Variants in PBRM1 observed in about 807,000 individuals in gnomAD.
The protein encoded by PBRM1 is polybromo 1.
In PBRM1, 27 loss-of-function variants were observed where a neutral mutation model predicts 194.5. That is an observed-to-expected ratio of 0.14 (90% CI 0.10 to 0.19). PBRM1 has a LOEUF of 0.19. PBRM1 is among the 10% of genes least tolerant of loss of function. PBRM1 has a pLI of 1.00. For missense variants in PBRM1, 1,466 were observed against 2,077.2 expected (o/e 0.71, Z 5.72); for synonymous variants, 655 against 693.2 (o/e 0.94, Z 0.87).
chr3:52,578,042 C>T (rs779659931), intron 21 of PBRM1, among the ~76,000 whole-genome samples: 26 of 152,180 alleles, frequency 1.7e-4, no homozygotes, highest in Non-Finnish European at 2.1e-4. Context: ...CATGTTTCTC[C>T]TCAGGTGTTT....
intron 20 of PBRM1, among the ~76,000 whole-genome samples, chr3:52,582,736 T>C (rs2091556040): frequency 6.6e-6 from 1 of 152,028 alleles, no homozygotes; most frequent in South Asian, 2.1e-4. Context: ...GCCTCTTACG[T>C]AGAATCTTTC....
At chr3:52,646,686 G>C (rs1486354426) in intron 7 of PBRM1, among the ~76,000 whole-genome samples, 1 of 151,934 alleles carries the variant, frequency 6.6e-6, no homozygotes, top group Non-Finnish European at 1.5e-5. Flanking sequence ...TATAGTGCTG[G>C]GATAATATCT....
chr3:52,561,326 T>A (rs1054275178), intron 25 of PBRM1, among the ~76,000 whole-genome samples: 1 of 152,170 alleles, frequency 6.6e-6, no homozygotes, highest in Non-Finnish European at 1.5e-5. Flanking sequence ...CCAAGCACTT[T>A]AGCAAAGACT....
exon 8 of PBRM1, chr3:52,644,747 C>T (rs1490033079): frequency 2.6e-6 from 4 of 1,557,638 alleles, no homozygotes; most frequent in Non-Finnish European, 3.5e-6. Flanking sequence ...TGTTCAATTT[C>T]AGCCTTTTTC....
intron 17 of PBRM1, among the ~76,000 whole-genome samples, chr3:52,602,643 TA>T (rs1341047317): frequency 6.6e-6 from 1 of 152,228 alleles, no homozygotes; most frequent in African/African-American, 2.4e-5. Context: ...CAACCACTTT[TA>T]GCTGGCAAAG....
intron 22 of PBRM1, among the ~76,000 whole-genome samples, chr3:52,569,351 C>G (rs1473392876): frequency 6.6e-6 from 1 of 151,988 alleles, no homozygotes; most frequent in Non-Finnish European, 1.5e-5. Context: ...GCTGGGACTA[C>G]AGGCGCCCGC....
At chr3:52,546,135 T>G (rs2079651538), downstream of PBRM1, 1 of 232,254 alleles carries the variant, frequency 4.3e-6, no homozygotes, top group Non-Finnish European at 8.5e-6. Context: ...AGTGAAAAAT[T>G]TTTTTAGAGG....
intron 22 of PBRM1, among the ~76,000 whole-genome samples, chr3:52,573,604 C>T (rs2088268351): frequency 6.6e-6 from 1 of 152,208 alleles, no homozygotes; most frequent in African/African-American, 2.4e-5. Flanking sequence ...CAGAATGTAA[C>T]ACATTCTAAC....
chr3:52,674,412 CGG>C (rs2097034157), intron 2 of PBRM1, among the ~76,000 whole-genome samples: 1 of 144,842 alleles, frequency 6.9e-6, no homozygotes, highest in African/African-American at 2.6e-5. Context: ...ACCTGGGAAA[CGG>C]AGGTTGTGGT....
At chr3:52,603,653 C>T (rs751492205) in exon 17 of PBRM1, 1 of 1,613,518 alleles carries the variant, frequency 6.2e-7, no homozygotes, top group Non-Finnish European at 8.5e-7. Flanking sequence ...AGAATCTCTC[C>T]ATTTTTGCAG....
At chr3:52,619,934 T>C (rs940420516) in intron 13 of PBRM1, among the ~76,000 whole-genome samples, 1 of 152,242 alleles carries the variant, frequency 6.6e-6, no homozygotes, top group African/African-American at 2.4e-5. Context: ...AACTTGTGTC[T>C]TCACTCTGAC....
At position 52,563,278 on chromosome 3, in the gene PBRM1, T is replaced by C; in HGVS notation, c.4086+5A>G. ...AGATAAGTAACAGGAACCTGTCACC[T>C]TCACCTGTGGGGGTGTGTAGGGCAT... On this transcript the variant is annotated splice_donor_5th_base_variant and intron_variant, in intron 24 of 29. Coordinates refer to ENST00000296302, the Ensembl canonical transcript of PBRM1. The C allele has an allele frequency of 1.2e-6, 2 of 1,608,212 alleles. No individual in the cohort carries two copies. The highest frequency in any genetic ancestry group is 2.2e-5 in the East Asian group (1 of 44,814).
intron 22 of PBRM1, 135 bp from the exon 25 acceptor site, chr3:52,564,368 TG>T (rs1175152526): frequency 4.3e-6 from 3 of 691,726 alleles, no homozygotes; most frequent in Non-Finnish European, 7.3e-6. Flanking sequence ...GGGCTAGGCA[TG>T]GTGGCTCAAG....
At chr3:52,622,332 C>T (rs149843146) in intron 13 of PBRM1, among the ~76,000 whole-genome samples, 89 of 146,260 alleles carry the variant, frequency 6.1e-4, no homozygotes, top group African/African-American at 2.1e-3. Flanking sequence ...GGAGAGACTC[C>T]ATCTCAAAAA....
chr3:52,571,504 T>C (rs1039277082), intron 22 of PBRM1, among the ~76,000 whole-genome samples: 1 of 150,642 alleles, frequency 6.6e-6, no homozygotes, highest in Non-Finnish European at 1.5e-5. Flanking sequence ...CGCATGCCTG[T>C]AGTCCCAGCT....
intron 27 of PBRM1, among the ~76,000 whole-genome samples, chr3:52,552,974 T>C (rs1464603460): frequency 2.6e-5 from 4 of 152,346 alleles, no homozygotes; most frequent in South Asian, 2.1e-4. Context: ...ATTATGGCCA[T>C]ATTCTAAGCA....
chr3:52,589,047 CCTT>C lies in PBRM1; in HGVS notation c.2965+20_2965+22del, dbSNP rs1325714356. 1 of 1,579,048 alleles carries C rather than the reference CCTT, an allele frequency of 6.3e-7. No homozygotes were observed. The highest frequency in any genetic ancestry group is 2.2e-5 in the East Asian group (1 of 44,572). The stretch of plus-strand genomic sequence containing the variant: ...AAACAGTCATATCTCACTAAACTGT[CCTT>C]TGATTTAAAACAAACTTACCAGCTG... On this transcript the variant is annotated intron_variant, in intron 18 of 29. Transcript: ENST00000296302.
chr3:52,561,926 A>G (rs2153493984), exon 25 of PBRM1: 1 of 1,614,046 alleles, frequency 6.2e-7, no homozygotes, highest in Non-Finnish European at 8.5e-7. Context: ...TTCCGTTTGG[A>G]GCCTTCCTTC....
intron 22 of PBRM1, among the ~76,000 whole-genome samples, chr3:52,566,808 G>A (rs1442142625): frequency 2.6e-5 from 4 of 152,096 alleles, no homozygotes; most frequent in Admixed American, 6.6e-5. Context: ...AAGGCTGGGC[G>A]TGGTAATCCT....
Sources: gnomAD v4.1 joint callset for allele counts (sites outside exome capture counted in the v4.1 genomes callset) on GRCh38, gnomAD v4.1.1 for gene constraint, MANE v1.5 for transcripts, NCBI Gene and HGNC (gene_info 2026-07-23, HGNC 2026-07-21) for gene names.